The following COL25A1 variants were observed in gnomAD, a reference collection of about 807,000 sequenced individuals.
The protein encoded by COL25A1 is collagen alpha-1(XXV) chain.
A neutral mutation model predicts 128.4 loss-of-function variants in COL25A1; 103 were observed. The observed-to-expected ratio is 0.80, with a 90% CI of 0.68 to 0.94. COL25A1 has a LOEUF of 0.94. Among genes scored for constraint, COL25A1 ranks in the 40% least tolerant of loss-of-function variants. The pLI is 0.00. For missense variants in COL25A1, 745 were observed against 840.0 expected (o/e 0.89, Z 1.40); for synonymous variants, 279 against 277.2 (o/e 1.01, Z -0.06).
intron 6 of COL25A1, among the ~76,000 whole-genome samples, chr4:108,997,474 A>C (rs1272259796): frequency 6.6e-6 from 1 of 152,242 alleles, no homozygotes; most frequent in Non-Finnish European, 1.5e-5. Context: ...AAATTGAGAC[A>C]ATAATTAATA....
At chr4:109,045,661 G>T (rs1310803563) in intron 5 of COL25A1, among the ~76,000 whole-genome samples, 2 of 152,118 alleles carry the variant, frequency 1.3e-5, no homozygotes, top group African/African-American at 2.4e-5. Flanking sequence ...TGGGTCCTAA[G>T]TACTATGGTA....
chr4:109,116,333 T>A (rs764156057), intron 3 of COL25A1, among the ~76,000 whole-genome samples: 2 of 152,040 alleles, frequency 1.3e-5, no homozygotes, highest in Non-Finnish European at 2.9e-5. Flanking sequence ...ATCAGGAGAA[T>A]CTATTTTCAC....
chr4:109,152,542 T>C (rs1049650002), intron 3 of COL25A1, among the ~76,000 whole-genome samples: 1 of 152,212 alleles, frequency 6.6e-6, no homozygotes, highest in African/African-American at 2.4e-5. Flanking sequence ...TTACTTTAAA[T>C]GGTACCTAAT....
chr4:109,106,290 T>C (rs978387552), intron 3 of COL25A1, among the ~76,000 whole-genome samples: 1 of 152,150 alleles, frequency 6.6e-6, no homozygotes, highest in African/African-American at 2.4e-5. Context: ...AACAGTGAAA[T>C]TTCTGTCCCA....
chr4:108,965,421 C>T (rs1751179055), intron 8 of COL25A1, among the ~76,000 whole-genome samples: 1 of 152,184 alleles, frequency 6.6e-6, no homozygotes, highest in Non-Finnish European at 1.5e-5. Flanking sequence ...AATATATAAT[C>T]AAAAGATAAC....
At chr4:109,097,323 G>A (rs1765482279) in intron 3 of COL25A1, among the ~76,000 whole-genome samples, 1 of 151,912 alleles carries the variant, frequency 6.6e-6, no homozygotes, top group South Asian at 2.1e-4. Flanking sequence ...TATGTTATCT[G>A]GCCGAGTATG....
At chr4:108,825,862 A>G (rs1425275869) in intron 33 of COL25A1, among the ~76,000 whole-genome samples, 2 of 152,132 alleles carry the variant, frequency 1.3e-5, no homozygotes, top group Non-Finnish European at 2.9e-5. Context: ...ATAATCCCCA[A>G]ATTTTTTTTA....
At chr4:109,059,546 G>C (rs1398135798) in intron 3 of COL25A1, among the ~76,000 whole-genome samples, 1 of 152,036 alleles carries the variant, frequency 6.6e-6, no homozygotes, top group Non-Finnish European at 1.5e-5. Context: ...CATTTTAAAG[G>C]AAAAATAATC....
At chr4:108,976,864 T>C (rs559822729) in intron 6 of COL25A1, among the ~76,000 whole-genome samples, 4 of 152,378 alleles carry the variant, frequency 2.6e-5, no homozygotes, top group Admixed American at 1.3e-4. Context: ...TCCTATACTT[T>C]GTGTCTTTTA....
At chr4:108,893,354 TAAG>T (rs1005716959) in intron 16 of COL25A1, among the ~76,000 whole-genome samples, 4 of 152,178 alleles carry the variant, frequency 2.6e-5, no homozygotes, top group Non-Finnish European at 4.4e-5. Flanking sequence ...GGAAAATAGA[TAAG>T]AAATCAATTT....
At chr4:109,225,996 TACACACACACAC>T (rs10642927) in intron 3 of COL25A1, among the ~76,000 whole-genome samples, 21 of 147,062 alleles carry the variant, frequency 1.4e-4, no homozygotes, top group African/African-American at 3.5e-4. Flanking sequence ...GTATTTGTAA[TACACACACACAC>T]ACACACACAC....
At chr4:109,161,078 T>C (rs767178082) in intron 3 of COL25A1, among the ~76,000 whole-genome samples, 8 of 152,154 alleles carry the variant, frequency 5.3e-5, no homozygotes, top group Non-Finnish European at 1.2e-4. Context: ...CCTCAAGCGA[T>C]CCTCCCACCT....
chr4:108,884,184 C>A lies in COL25A1; in HGVS notation c.1014G>T (p.Gly338=). The A allele has an allele frequency of 6.2e-7, 1 of 1,613,742 alleles. No homozygotes were observed. Among genetic ancestry groups the A allele is most frequent in the Admixed American group, 1.7e-5 (1 of 60,006 alleles). ...PGLPGLPGLP[G]IKGEPGFIGP... is the part of the protein sequence containing the mutation. ...CTGTCCGTGCAGTATTTACCTTTAT[C>A]CCCGGAAGTCCAGGAAGCCCAGGAA... The change falls in exon 19 of 38, where the codon GGG becomes GGT. Residue 338 remains glycine (G), a synonymous_variant. Transcript: ENST00000399132.
At chr4:109,016,169 A>T (rs1306963388) in intron 5 of COL25A1, among the ~76,000 whole-genome samples, 1 of 152,024 alleles carries the variant, frequency 6.6e-6, no homozygotes, top group Non-Finnish European at 1.5e-5. Flanking sequence ...GCCTCTCCCT[A>T]CTCCTAGTGT....
chr4:108,965,834 G>A (rs749309346), intron 8 of COL25A1, among the ~76,000 whole-genome samples: 1 of 152,130 alleles, frequency 6.6e-6, no homozygotes, highest in Admixed American at 6.5e-5. Context: ...TTTTTGCAAA[G>A]AGGGACTTAG....
chr4:109,251,881 G>A lies in COL25A1; in HGVS notation c.367+48702C>T, dbSNP rs187805987. 1.3e-3 allele frequency among the ~76,000 whole-genome samples: 200 copies of A among 152,290 alleles called. 1 individual carries two copies. Among genetic ancestry groups the A allele is most frequent in the Middle Eastern group, 3.4e-3 (1 of 294 alleles). On this transcript the variant is annotated intron_variant, in intron 3 of 37. Transcript: ENST00000399132. ...GATTCAGAGGATATACAGTCTTTTA[G>A]GGAACCTTGCCTCAGCCTTGCAAGG...
rs569232771 is a variant in COL25A1 at position 109,172,234 on chromosome 4, A to G, written c.368-122055T>C. Among the ~76,000 whole-genome samples, 72 of 152,284 alleles carry G rather than the reference A, an allele frequency of 4.7e-4. 1 individual carries two copies. The highest frequency in any genetic ancestry group is 6.6e-4 in the Non-Finnish European group (45 of 68,026). On this transcript the variant is annotated intron_variant, in intron 3 of 37. Coordinates refer to ENST00000399132, the MANE Select transcript of COL25A1 (RefSeq NM_198721.4). ...GTGCTAAGGGATGGGGATAACAAAA[A>G]TAAATAATGCAGTTACAGTCTTTGC...
intron 6 of COL25A1, among the ~76,000 whole-genome samples, chr4:108,983,119 T>C (rs961450299): frequency 9.8e-5 from 15 of 152,346 alleles, no homozygotes; most frequent in Middle Eastern, 3.4e-3. Flanking sequence ...AAGGGAACCC[T>C]TCTACCTAGC....
rs542728738 is a variant in COL25A1 at position 109,086,864 on chromosome 4, G to A, written c.368-36685C>T. 7.9e-5 allele frequency among the ~76,000 whole-genome samples: 12 copies of A among 152,306 alleles called. No individual in the cohort carries two copies. The East Asian group carries it at 1.4e-3, about 17-fold the overall frequency. ...TACAGGAGTTAGTTGAATATCACAT[G>A]CTAGTGCCCACAGCATTATCAAAAT... On this transcript the variant is annotated intron_variant, in intron 3 of 37. Coordinates refer to ENST00000399132, the MANE Select transcript of COL25A1 (RefSeq NM_198721.4).
Sources: allele counts gnomAD v4.1 joint callset (sites outside exome capture counted in the v4.1 genomes callset), GRCh38; gene constraint gnomAD v4.1.1; transcripts MANE v1.5; gene names NCBI Gene and HGNC (gene_info 2026-07-23, HGNC 2026-07-21).